NBEAL2: variants seen among roughly 807,000 people sequenced by gnomAD.
NBEAL2 encodes the protein neurobeachin-like protein 2.
In NBEAL2, 160 loss-of-function variants were observed where a neutral mutation model predicts 299.8. That is an observed-to-expected ratio of 0.53 (90% CI 0.47 to 0.61). The LOEUF is 0.61. Ranked by LOEUF, NBEAL2 falls within the 20% of genes least tolerant of loss-of-function variation. The pLI is 0.00. For synonymous variants in NBEAL2, 1,493 were observed against 1,542.3 expected (o/e 0.97, Z 0.75); for missense variants, 3,112 against 3,649.0 (o/e 0.85, Z 3.79).
chr3:46,994,121 C>T (rs1210802942), intron 11 of NBEAL2, 101 bp downstream of exon 11: 1 of 1,268,986 alleles, frequency 7.9e-7, no homozygotes, highest in East Asian at 2.5e-5. Context: ...CATCCTGCTC[C>T]CTGGAGCAAA....
At position 47,005,545 on chromosome 3, in the gene NBEAL2, T is replaced by C. The variant is rs536667046; in HGVS notation, c.6617T>C (p.Leu2206Pro). The C allele has an allele frequency of 6.2e-7, 1 of 1,611,362 alleles. No individual in the cohort carries two copies. The highest frequency in any genetic ancestry group is 2.2e-5 in the East Asian group (1 of 44,820). ...GTGGCGGCAGCCTGGCAGGCACGCC[T>C]GGAGAGCCCTGCCGATGTGAAGGAG... ...HSVAAAWQAR[L>P]ESPADVKELI... Residue 2206 changes from leucine (L) to proline (P), a missense_variant, in exon 41 of 54, where the codon CTG (leucine) becomes CCG (proline). By Grantham distance (98) the Leu-to-Pro change is moderately conservative. This residue lies in a region of NBEAL2 where 521 missense variants were observed against 729.6 expected (regional missense o/e 0.71). Coordinates refer to ENST00000450053, the MANE Select transcript of NBEAL2 (RefSeq NM_015175.3).
chr3:46,994,008 C>G lies in NBEAL2; in HGVS notation c.1185C>G (p.Ser395=). The G allele has an allele frequency of 6.2e-7, 1 of 1,610,620 alleles. No individual in the cohort carries two copies. Among genetic ancestry groups the G allele is most frequent in the Non-Finnish European group, 8.5e-7 (1 of 1,178,772 alleles). ...TGCTGACCTGCATCATGAGTGACTCCCCCTCGGCCAAGGTGAGGCTGCTGC... is the reference window on the plus strand; with the variant it reads ...TGCTGACCTGCATCATGAGTGACTCGCCCTCGGCCAAGGTGAGGCTGCTGC... ...VRVLTCIMSD[S]PSAKEVFKER... Residue 395 remains serine, a synonymous_variant, in exon 11 of 54, where the codon TCC becomes TCG. Transcript: ENST00000450053.
intron 12 of NBEAL2, 23 bp from the exon 13 acceptor site, chr3:46,995,009 A>G (rs769262504): frequency 3.3e-6 from 5 of 1,521,134 alleles, no homozygotes; most frequent in Non-Finnish European, 4.4e-6. Context: ...CTGACCAGGG[A>G]CTGTCATTCT....
In NBEAL2 at chr3:46,997,259, G is replaced by T. The variant is rs528906688; in HGVS notation, c.2650G>T (p.Asp884Tyr). The change falls in exon 19 of 54, where the codon GAT becomes TAT. Residue 884 changes from aspartate (D) to tyrosine (Y), a missense_variant and splice_region_variant. Asp to Tyr is a radical substitution (Grantham distance 160, BLOSUM62 -3). Transcript: ENST00000450053. ...GHRVETWDVK[D>Y]VVNCVGGMGA... ...CTCACTGCCATCCTCCTTCCCCCAG[G>T]ATGTGGTGAACTGCGTTGGGGGTAT... The T allele has an allele frequency of 6.2e-7, 1 of 1,612,484 alleles. No individual in the cohort carries two copies. The highest frequency in any genetic ancestry group is 1.3e-5 in the African/African-American group (1 of 74,914).
rs1042363970 is a variant in NBEAL2 at position 46,997,099 on chromosome 3, T to A, written c.2649+53T>A. ...GCAGGAGGCATGAATATGGGGCACATGTGTGTTCGGAGTCAGCTGGGGAGC... is the reference window on the plus strand; with the variant it reads ...GCAGGAGGCATGAATATGGGGCACAAGTGTGTTCGGAGTCAGCTGGGGAGC... On this transcript the variant is annotated intron_variant, in intron 18 of 53. Transcript: ENST00000450053. The A allele has an allele frequency of 3.8e-6, 6 of 1,572,666 alleles. No homozygotes were observed. In the Admixed American group the frequency reaches 6.8e-5, roughly 18 times the overall value.
chr3:46,983,972 C>A (rs913442488), intron 1 of NBEAL2, among the ~76,000 whole-genome samples: 2 of 151,916 alleles, frequency 1.3e-5, no homozygotes, highest in Admixed American at 6.6e-5. Context: ...GTGGAGTGTA[C>A]TTTCATTTCA....
rs370576867 is a variant in NBEAL2 at position 47,005,524 on chromosome 3, C to T, written c.6596C>T (p.Ala2199Val). 4.1e-5 allele frequency: 66 copies of T among 1,610,948 alleles called. No homozygotes were observed. Among genetic ancestry groups the T allele is most frequent in the Non-Finnish European group, 5.3e-5 (62 of 1,179,080 alleles). Residue 2199 changes from alanine (A) to valine (V), a missense_variant, in exon 41 of 54, where the codon GCG (alanine) becomes GTG (valine). Physicochemically the swap from Ala to Val is moderately conservative, Grantham distance 64. Transcript: ENST00000450053. ...TCCGACCGGCAGTTCCACTCGGTGGCGGCAGCCTGGCAGGCACGCCTGGAG... is the reference window on the plus strand; with the variant it reads ...TCCGACCGGCAGTTCCACTCGGTGGTGGCAGCCTGGCAGGCACGCCTGGAG... ...DCSDRQFHSV[A>V]AAWQARLESP... is the part of the protein sequence containing the mutation.
At chr3:47,008,007 G>T in intron 49 of NBEAL2, 63 bp from the exon 50 acceptor site, 1 of 1,588,674 alleles carries the variant, frequency 6.3e-7, no homozygotes, top group Non-Finnish European at 8.6e-7. Context: ...CTCTAGTCTT[G>T]GACAAGGCCT....
intron 11 of NBEAL2, 38 bp from the exon 12 acceptor site, chr3:46,994,417 T>G: frequency 6.5e-7 from 1 of 1,536,550 alleles, no homozygotes; most frequent in Non-Finnish European, 8.8e-7. Context: ...CTCCGGCCCA[T>G]GTATGTGTTC....
In NBEAL2 at chr3:47,009,440, C is replaced by G. The variant is rs1001953529; in HGVS notation, c.*120C>G. 24 of 892,498 alleles carry G rather than the reference C, an allele frequency of 2.7e-5. No individual in the cohort carries two copies. Among genetic ancestry groups the G allele is most frequent in the Non-Finnish European group, 3.8e-5 (22 of 578,652 alleles). 55.3% of individuals were successfully genotyped at this position (892,498 alleles called of 1,614,324 possible). A position where few individuals can be genotyped will look rare whatever the true frequency, so the allele number is the denominator to read the frequency against. On this transcript the variant is annotated 3_prime_UTR_variant, in exon 54 of 54. Coordinates refer to ENST00000450053, the MANE Select transcript of NBEAL2 (RefSeq NM_015175.3). ...CCCAGGGGGGTGAGCGGGGCCCACC[C>G]TGCCCAGCTCAGGGATTGGCGGGCG...
In NBEAL2 at chr3:47,000,278, T is replaced by C. The variant is rs757751915; in HGVS notation, c.4179T>C (p.Asp1393=). 6.2e-7 allele frequency: 1 copy of C among 1,612,956 alleles called. No individual in the cohort carries two copies. Among genetic ancestry groups the C allele is most frequent in the South Asian group, 1.1e-5 (1 of 91,086 alleles). ...AGCCCGGCACTCCTTCGCCACTGGA[T>C]GGGCCGCGGCCCTTTCCTGCTGCTC... is the stretch of plus-strand genomic sequence containing the variant. ...ASQPGTPSPL[D]GPRPFPAAPG... The change falls in exon 27 of 54, where the codon GAT becomes GAC. Residue 1393 remains aspartate, a synonymous_variant. Transcript: ENST00000450053. This position sits in a 1 kb window ranked among gnomAD's most constrained non-coding sequence, Gnocchi z 4.5.
intron 32 of NBEAL2, 35 bp downstream of exon 32, chr3:47,002,555 C>G (rs1208487447): frequency 6.2e-7 from 1 of 1,610,962 alleles, no homozygotes; most frequent in Non-Finnish European, 8.5e-7. Flanking sequence ...GGAAACTGCT[C>G]CACACATGCA....
Position 46,989,525 on chromosome 3 carries a change from C to T in NBEAL2, c.488C>T (p.Ser163Phe). 6.3e-7 allele frequency: 1 copy of T among 1,594,422 alleles called. No individual in the cohort carries two copies. Among genetic ancestry groups the T allele is most frequent in the South Asian group, 1.1e-5 (1 of 87,712 alleles). Reference sequence around the variant, plus strand: ...ACTGCCCCCAGGGAAGTCATCAGCTCCAAGGAGAAGAGCAAATACAAGTTC... The same window carrying T: ...ACTGCCCCCAGGGAAGTCATCAGCTTCAAGGAGAAGAGCAAATACAAGTTC... Reference protein sequence around the residue: ...RRQRSGEVISSKEKSKYKFPP... With the variant: ...RRQRSGEVISFKEKSKYKFPP... The change falls in exon 6 of 54, where the codon TCC becomes TTC. Residue 163 changes from serine to phenylalanine, a missense_variant. Transcript: ENST00000450053. This position sits in a 1 kb window ranked among gnomAD's most constrained non-coding sequence, Gnocchi z 5.5.
chr3:46,992,974 A>C (rs1368225175), intron 10 of NBEAL2, among the ~76,000 whole-genome samples: 1 of 152,144 alleles, frequency 6.6e-6, no homozygotes, highest in Non-Finnish European at 1.5e-5. Context: ...CCAGCCCCTG[A>C]TGATGTGATC....
rs758768220 is a variant in NBEAL2, at chr3:46,997,261, T to G, written c.2652T>G (p.Asp884Glu). 2 of 1,612,516 alleles carry G rather than the reference T, an allele frequency of 1.2e-6. No homozygotes were observed. The highest frequency in any genetic ancestry group is 8.5e-7 in the Non-Finnish European group (1 of 1,179,720). Reference sequence around the variant, plus strand: ...CACTGCCATCCTCCTTCCCCCAGGATGTGGTGAACTGCGTTGGGGGTATGG... The same window carrying G: ...CACTGCCATCCTCCTTCCCCCAGGAGGTGGTGAACTGCGTTGGGGGTATGG... ...GHRVETWDVK[D>E]VVNCVGGMGA... Residue 884 changes from aspartate (D) to glutamate (E), a missense_variant and splice_region_variant, in exon 19 of 54, where the codon GAT (aspartate) becomes GAG (glutamate). Asp to Glu is a conservative substitution (Grantham distance 45, BLOSUM62 2). Around this residue, in one of 3 missense-constraint regions of NBEAL2, gnomAD observed 2,243 missense variants for 2,538.1 expected, o/e 0.88. Coordinates refer to ENST00000450053, the MANE Select transcript of NBEAL2 (RefSeq NM_015175.3).
In NBEAL2 at chr3:46,997,356, C is replaced by T. The variant is rs764272685; in HGVS notation, c.2747C>T (p.Thr916Met). 2.1e-5 allele frequency: 34 copies of T among 1,612,540 alleles called. No individual in the cohort carries two copies. Among genetic ancestry groups the T allele is most frequent in the South Asian group, 1.1e-4 (10 of 91,030 alleles). The change falls in exon 19 of 54, where the codon ACG becomes ATG. Residue 916 changes from threonine (T) to methionine (M), a missense_variant. Coordinates refer to ENST00000450053, the MANE Select transcript of NBEAL2 (RefSeq NM_015175.3). ...GAGGCTGAAGCAGGTCCAGCTGAAACGCATGACCTCGTGGGTCCTGAACTG... is the reference window on the plus strand; with the variant it reads ...GAGGCTGAAGCAGGTCCAGCTGAAATGCATGACCTCGTGGGTCCTGAACTG... ...PKEAEAGPAE[T>M]HDLVGPELTS...
At chr3:46,993,015 G>A (rs957410294) in intron 10 of NBEAL2, among the ~76,000 whole-genome samples, 2 of 152,214 alleles carry the variant, frequency 1.3e-5, no homozygotes, top group African/African-American at 4.8e-5. Context: ...GGCTGTAGGA[G>A]GCTGCAGGGT....
At chr3:46,998,355 G>A in intron 21 of NBEAL2, 108 bp from the exon 22 acceptor site, 1 of 1,508,826 alleles carries the variant, frequency 6.6e-7, no homozygotes, top group Non-Finnish European at 9.0e-7. Flanking sequence ...CGGCTGAGGG[G>A]ACTATGACCC....
At chr3:46,981,702 G>C (rs553563936) in intron 1 of NBEAL2, among the ~76,000 whole-genome samples, 1 of 152,258 alleles carries the variant, frequency 6.6e-6, no homozygotes, top group East Asian at 1.9e-4. Context: ...GCATGGGCAG[G>C]TAAAGGGGGC....
Sources: allele counts gnomAD v4.1 joint callset (sites outside exome capture counted in the v4.1 genomes callset), GRCh38; gene constraint gnomAD v4.1.1; regional missense constraint gnomAD v4.1.1; non-coding constraint Gnocchi (gnomAD v3.1); transcripts MANE v1.5; gene names NCBI Gene and HGNC (gene_info 2026-07-23, HGNC 2026-07-21).